Variants in NACC2 observed in about 807,000 individuals in gnomAD.
The protein encoded by NACC2 is NACC family member 2, also known as nucleus accumbens-associated protein 2.
NACC2 carries 8 observed loss-of-function variants against 25.1 expected under a neutral mutation model. The observed-to-expected ratio is 0.32, with a 90% CI of 0.19 to 0.57. NACC2 has a LOEUF of 0.57. Ranked by LOEUF, NACC2 falls within the 20% of genes least tolerant of loss-of-function variation. The probability of loss-of-function intolerance (pLI) is 0.89; values close to 1 mark genes in which losing one functional copy is unlikely to be tolerated. For missense variants in NACC2, 644 were observed against 650.2 expected (o/e 0.99, Z 0.10); for synonymous variants, 435 against 294.7 (o/e 1.48, Z -4.88).
In NACC2 at chr9:136,049,619, C is replaced by T. The variant is rs1038510388; in HGVS notation, c.886+17G>A. On this transcript the variant is annotated intron_variant, in intron 2 of 5. Transcript: ENST00000277554. ...CTTCCCAGCCAGGTGGTGTGGGGCT[C>T]CACCCCGCCGCGTTACCTGCATAGC... is the stretch of plus-strand genomic sequence containing the variant. 1.8e-5 allele frequency: 14 copies of T among 767,838 alleles called. No homozygotes were observed. Among genetic ancestry groups the T allele is most frequent in the Non-Finnish European group, 3.2e-5 (13 of 411,890 alleles). 47.6% of individuals were successfully genotyped at this position (767,838 alleles called of 1,614,324 possible). A position where few individuals can be genotyped will look rare whatever the true frequency, so the allele number is the denominator to read the frequency against.
intron 1 of NACC2, among the ~76,000 whole-genome samples, chr9:136,057,689 C>T (rs554840927): frequency 2.6e-5 from 4 of 152,320 alleles, no homozygotes; most frequent in African/African-American, 9.6e-5. Context: ...TCCCCTGCAC[C>T]GGCTCGGCCG....
chr9:136,076,291 C>CGGCCGTCCCCCG, intron 1 of NACC2, among the ~76,000 whole-genome samples: 1 of 152,336 alleles, frequency 6.6e-6, no homozygotes, highest in African/African-American at 2.4e-5. Context: ...TATCCAGCCT[C>CGGCCGTCCCCCG]CTCTCCTCAG....
At chr9:136,031,389 G>A (rs1840470312) in intron 2 of NACC2, among the ~76,000 whole-genome samples, 2 of 151,950 alleles carry the variant, frequency 1.3e-5, no homozygotes, top group Admixed American at 1.3e-4. Flanking sequence ...CCAGGCTGGG[G>A]TGCAGTGGCA....
intron 1 of NACC2, among the ~76,000 whole-genome samples, chr9:136,058,279 C>T (rs1210565580): frequency 6.6e-6 from 1 of 152,240 alleles, no homozygotes; most frequent in African/African-American, 2.4e-5. Flanking sequence ...CAGACACCCG[C>T]AGCACCTCAT....
intron 1 of NACC2, among the ~76,000 whole-genome samples, chr9:136,085,538 A>T (rs1830370444): frequency 6.6e-6 from 1 of 151,260 alleles, no homozygotes; most frequent in Non-Finnish European, 1.5e-5. Flanking sequence ...ATTTAAAGAG[A>T]CTCAACAAGT....
Position 136,019,299 on chromosome 9 carries a change from C to G in NACC2, c.887-2870G>C, listed in dbSNP as rs1159485469. The G allele has an allele frequency of 6.6e-6, 1 of 152,250 alleles. No individual in the cohort carries two copies. The highest frequency in any genetic ancestry group is 1.5e-5 in the Non-Finnish European group (1 of 68,068). The allele number at this position is 152,250 out of a possible 1,614,324, so 9.4% of individuals were successfully genotyped here. Reference sequence around the variant, plus strand: ...CCCCCGGAAGGGCCATTCAGAGGCCCCGTGAGTCGGGGCCAGAGCTGGGTT... The same window carrying G: ...CCCCCGGAAGGGCCATTCAGAGGCCGCGTGAGTCGGGGCCAGAGCTGGGTT... On this transcript the variant is annotated intron_variant, in intron 2 of 5. Coordinates refer to ENST00000277554, the MANE Select transcript of NACC2 (RefSeq NM_144653.5). This position sits in a 1 kb window ranked among gnomAD's most constrained non-coding sequence, Gnocchi z 5.2.
intron 1 of NACC2, among the ~76,000 whole-genome samples, chr9:136,058,468 T>C (rs1304706285): frequency 6.6e-6 from 1 of 152,204 alleles, no homozygotes; most frequent in African/African-American, 2.4e-5. Flanking sequence ...GCCATCCATA[T>C]TTTACCCTCT....
At chr9:136,093,719 A>G (rs1830456281) in intron 1 of NACC2, among the ~76,000 whole-genome samples, 1 of 151,760 alleles carries the variant, frequency 6.6e-6, no homozygotes, top group Non-Finnish European at 1.5e-5. Flanking sequence ...GAAAACGCCA[A>G]GAGGCCTCTT....
At chr9:136,024,535 ACAG>A (rs1840358176) in intron 2 of NACC2, among the ~76,000 whole-genome samples, 1 of 75,100 alleles carries the variant, frequency 1.3e-5, no homozygotes, top group African/African-American at 5.0e-5. Context: ...GTGTGTGTGG[ACAG>A]TGTGTGTGAG....
rs1422851383 is a variant in NACC2, at chr9:136,007,373, A to C, written c.*4143T>G. On this transcript the variant is annotated 3_prime_UTR_variant, in exon 6 of 6. Transcript: ENST00000277554. Reference sequence around the variant, plus strand: ...CACACACACAGACACACGCGTGCACACATACACAGACACGCGTGCAGAGAC... The same window carrying C: ...CACACACACAGACACACGCGTGCACCCATACACAGACACGCGTGCAGAGAC... 1.3e-5 allele frequency: 2 copies of C among 152,144 alleles called. No individual in the cohort carries two copies. Among genetic ancestry groups the C allele is most frequent in the Non-Finnish European group, 3.0e-5 (2 of 66,640 alleles). The allele number at this position is 152,144 out of a possible 1,614,324, so 9.4% of individuals were successfully genotyped here.
intron 2 of NACC2, among the ~76,000 whole-genome samples, chr9:136,045,914 C>T (rs1038645421): frequency 9.9e-5 from 15 of 152,074 alleles, no homozygotes; most frequent in African/African-American, 1.9e-4. Context: ...CCCCAGCTGG[C>T]GCTGCCCACC....
intron 1 of NACC2, among the ~76,000 whole-genome samples, chr9:136,058,864 T>A (rs891925877): frequency 6.6e-6 from 1 of 152,206 alleles, no homozygotes; most frequent in African/African-American, 2.4e-5. Context: ...GCTCAAGCCA[T>A]GGAGGGGACG....
chr9:136,091,248 C>T (rs762798551), intron 1 of NACC2, among the ~76,000 whole-genome samples: 3 of 152,252 alleles, frequency 2.0e-5, no homozygotes, highest in Non-Finnish European at 2.9e-5. Flanking sequence ...GCAGAAAGGC[C>T]GGGCTGCCCA....
intron 2 of NACC2, among the ~76,000 whole-genome samples, chr9:136,047,372 C>A (rs1440084736): frequency 6.6e-6 from 1 of 152,248 alleles, no homozygotes; most frequent in African/African-American, 2.4e-5. Flanking sequence ...AGAAATCACA[C>A]ACCCCCTTTC....
rs770784582 is a variant in NACC2, at chr9:136,013,896, C to T, written c.1125G>A (p.Leu375=). ...AGAAGGTGGCCAGGAGCCTCCGCAGCAAGACCTTATGCTTCACCCCTGCAC... is the reference window on the plus strand; with the variant it reads ...AGAAGGTGGCCAGGAGCCTCCGCAGTAAGACCTTATGCTTCACCCCTGCAC... ...HLCAGVKHKV[L]LRRLLATFFD... Residue 375 remains leucine (L), a synonymous_variant, in exon 4 of 6, where the codon TTG becomes TTA. Transcript: ENST00000277554. This position sits in a 1 kb window ranked among gnomAD's most constrained non-coding sequence, Gnocchi z 6.6. 7.4e-6 allele frequency: 12 copies of T among 1,612,842 alleles called. No individual in the cohort carries two copies. The highest frequency in any genetic ancestry group is 1.3e-5 in the African/African-American group (1 of 74,940).
chr9:136,020,587 A>G lies in NACC2; in HGVS notation c.887-4158T>C, dbSNP rs555369658. ...GGAGGCCTACTCCCTAAAAGTGTAT[A>G]CCATTTGTTAAAATGCACCACAAGA... On this transcript the variant is annotated intron_variant, in intron 2 of 5. Coordinates refer to ENST00000277554, the MANE Select transcript of NACC2 (RefSeq NM_144653.5). This position sits in a 1 kb window ranked among gnomAD's most constrained non-coding sequence, Gnocchi z 4.7. Among the ~76,000 whole-genome samples, 27 of 152,328 alleles carry G rather than the reference A, an allele frequency of 1.8e-4. No homozygotes were observed. The South Asian group carries it at 5.6e-3, about 32-fold the overall frequency.
intron 1 of NACC2, among the ~76,000 whole-genome samples, chr9:136,071,125 C>T (rs1841145603): frequency 6.6e-6 from 1 of 151,454 alleles, no homozygotes; most frequent in African/African-American, 2.4e-5. Context: ...CCCAGCTACT[C>T]GGGAGGTTGA....
chr9:136,055,766 C>A lies in NACC2; in HGVS notation c.-59-5186G>T, dbSNP rs982901737. 4.3e-4 allele frequency among the ~76,000 whole-genome samples: 66 copies of A among 152,288 alleles called. No homozygotes were observed. Among genetic ancestry groups the A allele is most frequent in the African/African-American group, 1.6e-3 (65 of 41,562 alleles). On this transcript the variant is annotated intron_variant, in intron 1 of 5. Transcript: ENST00000277554. The surrounding 1 kb of genome is among the most constrained non-coding windows in gnomAD (Gnocchi z 4.9). ...GTAGAGGAAGGAGAGAGGCGGGGCA[C>A]GGGAAACGTTCTGCGGAGGGGAGAG...
rs1830380813 is a variant in NACC2 at position 136,086,578 on chromosome 9, C to G, written c.-60+8611G>C. On this transcript the variant is annotated intron_variant, in intron 1 of 5. Coordinates refer to ENST00000277554, the MANE Select transcript of NACC2 (RefSeq NM_144653.5). This position sits in a 1 kb window ranked among gnomAD's most constrained non-coding sequence, Gnocchi z 5.6. ...ACCCCGGGCTCCACTGTGACCCACACGCTGTCATTTCCAGGCCACTTCCTA... is the reference window on the plus strand; with the variant it reads ...ACCCCGGGCTCCACTGTGACCCACAGGCTGTCATTTCCAGGCCACTTCCTA... 6.6e-6 allele frequency among the ~76,000 whole-genome samples: 1 copy of G among 152,224 alleles called. No individual in the cohort carries two copies. The highest frequency in any genetic ancestry group is 6.5e-5 in the Admixed American group (1 of 15,288).
Sources: gnomAD v4.1 joint callset for allele counts (sites outside exome capture counted in the v4.1 genomes callset) on GRCh38, gnomAD v4.1.1 for gene constraint, Gnocchi (gnomAD v3.1) non-coding constraint, MANE v1.5 for transcripts, NCBI Gene and HGNC (gene_info 2026-07-23, HGNC 2026-07-21) for gene names.